The following ZNF184 variants were observed in gnomAD, a reference collection of about 807,000 sequenced individuals.
ZNF184 encodes the protein zinc finger protein 184 (Kruppel-like).
A neutral mutation model predicts 54.4 loss-of-function variants in ZNF184; 16 were observed. The observed-to-expected ratio is 0.29, with a 90% CI of 0.20 to 0.45. ZNF184 has a LOEUF of 0.45. Among genes scored for constraint, ZNF184 ranks in the 20% least tolerant of loss-of-function variants. The pLI is 1.00. For synonymous variants in ZNF184, 254 were observed against 295.3 expected, an observed-to-expected ratio of 0.86 and a Z score of 1.43; for missense variants, 681 against 888.2, an observed-to-expected ratio of 0.77 and a Z score of 2.97.
the ZNF184 span, among the ~76,000 whole-genome samples, chr6:27,417,359 G>A: frequency 5.3e-5 from 8 of 150,444 alleles, no homozygotes; most frequent in South Asian, 4.2e-4. Context: ...TTGCTTGCTC[G>A]TTCCCTTTCT....
chr6:27,442,878 GAAAAAGA>G, the ZNF184 span, among the ~76,000 whole-genome samples: 1 of 25,306 alleles, frequency 4.0e-5, no homozygotes, highest in Non-Finnish European at 1.1e-4. Flanking sequence ...AAGAAAGAAA[GAAAAAGA>G]AAAAAAGAAA....
the ZNF184 span, among the ~76,000 whole-genome samples, chr6:27,437,661 A>G: frequency 2.0e-5 from 3 of 152,214 alleles, no homozygotes; most frequent in African/African-American, 7.2e-5. Context: ...GCAGCAATAG[A>G]AAGCTATTAC....
chr6:27,471,663 C>T (rs925070026), intron 2 of ZNF184, among the ~76,000 whole-genome samples: 1 of 152,108 alleles, frequency 6.6e-6, no homozygotes, highest in Non-Finnish European at 1.5e-5. Context: ...AGAAGTGAGG[C>T]TATATTGCTT....
At position 27,472,372 on chromosome 6, in the gene ZNF184, T is replaced by TC; in HGVS notation, c.-79dup. On this transcript the variant is annotated 5_prime_UTR_variant, in exon 2 of 6. Coordinates refer to ENST00000683788, the MANE Select transcript of ZNF184 (RefSeq NM_001318891.2). The surrounding 1 kb of genome is among the most constrained non-coding windows in gnomAD (Gnocchi z 4.8). Reference sequence around the variant, plus strand: ...AGCGTTCCTTCAGCTGGTATCTCGGTCTAGGACTCAGATGTCTAACTCCCC... The same window carrying TC: ...AGCGTTCCTTCAGCTGGTATCTCGGTCCTAGGACTCAGATGTCTAACTCCCC... 6.2e-7 allele frequency: 1 copy of TC among 1,600,062 alleles called. No homozygotes were observed. Among genetic ancestry groups the TC allele is most frequent in the African/African-American group, 1.3e-5 (1 of 74,652 alleles).
the ZNF184 span, among the ~76,000 whole-genome samples, chr6:27,430,486 C>T: frequency 6.6e-6 from 1 of 152,034 alleles, no homozygotes; most frequent in African/African-American, 2.4e-5. Flanking sequence ...TAAAAGCAAG[C>T]ACATGTATTC....
chr6:27,452,072 T>G lies in ZNF184; in HGVS notation c.1487A>C (p.His496Pro). 6.2e-7 allele frequency: 1 copy of G among 1,614,052 alleles called. No individual in the cohort carries two copies. The highest frequency in any genetic ancestry group is 8.5e-7 in the Non-Finnish European group (1 of 1,180,008). The change falls in exon 6 of 6, where the codon CAC becomes CCC. Residue 496 changes from histidine to proline, a missense_variant. By Grantham distance (77) the His-to-Pro change is moderately conservative. Coordinates refer to ENST00000683788, the MANE Select transcript of ZNF184 (RefSeq NM_001318891.2). This position sits in a 1 kb window ranked among gnomAD's most constrained non-coding sequence, Gnocchi z 5.5. ...GCATTCAAAGGGCTTTTCTCTCGTG[T>G]GAATTCTCCGATGTTGAGTAAGGGA... ...CSSLTQHRRI[H>P]TREKPFECSE... is the part of the protein sequence containing the mutation.
At chr6:27,458,861 A>G (rs1762929410) in intron 3 of ZNF184, among the ~76,000 whole-genome samples, 1 of 152,222 alleles carries the variant, frequency 6.6e-6, no homozygotes, top group Admixed American at 6.5e-5. Flanking sequence ...GATAAAGAAA[A>G]TGTGGTATAT....
chr6:27,460,442 T>A (rs1370149435), intron 3 of ZNF184, among the ~76,000 whole-genome samples: 1 of 152,164 alleles, frequency 6.6e-6, no homozygotes, highest in Non-Finnish European at 1.5e-5. Context: ...CTGAAACAAG[T>A]GTTTTCATAT....
chr6:27,452,270 T>G lies in ZNF184; in HGVS notation c.1289A>C (p.His430Pro). 1 of 1,614,016 alleles carries G rather than the reference T, an allele frequency of 6.2e-7. No homozygotes were observed. The highest frequency in any genetic ancestry group is 8.5e-7 in the Non-Finnish European group (1 of 1,180,002). Residue 430 changes from histidine to proline, a missense_variant, in exon 6 of 6, where the codon CAC (histidine) becomes CCC (proline). Transcript: ENST00000683788. This position sits in a 1 kb window ranked among gnomAD's most constrained non-coding sequence, Gnocchi z 5.5. ...TTTTTGATGCTGAGTGAGGTTTGAGTGCTGGCTGAAGGCTTTCCCACATTC... is the reference window on the plus strand; with the variant it reads ...TTTTTGATGCTGAGTGAGGTTTGAGGGCTGGCTGAAGGCTTTCCCACATTC... ...CNECGKAFSQHSNLTQHQKTH... is the reference protein window; with the variant it reads ...CNECGKAFSQPSNLTQHQKTH...
chr6:27,439,599 C>T, the ZNF184 span, among the ~76,000 whole-genome samples: 3 of 152,188 alleles, frequency 2.0e-5, no homozygotes. Flanking sequence ...CATCTCATCA[C>T]ATAGGTATCT....
chr6:27,467,930 G>C lies in ZNF184; in HGVS notation c.8-10C>G, dbSNP rs755341711. The C allele has an allele frequency of 3.8e-6, 6 of 1,580,518 alleles. No individual in the cohort carries two copies. The highest frequency in any genetic ancestry group is 5.2e-6 in the Non-Finnish European group (6 of 1,163,052). On this transcript the variant is annotated splice_polypyrimidine_tract_variant and intron_variant, in intron 2 of 5. Coordinates refer to ENST00000683788, the MANE Select transcript of ZNF184 (RefSeq NM_001318891.2). ...TCTGGAGAGGACAGATCTAGGGGGA[G>C]AAGCAGGAGCCATATGACTTCTGTT... is the stretch of plus-strand genomic sequence containing the variant.
At chr6:27,470,629 T>C (rs1250139310) in intron 2 of ZNF184, among the ~76,000 whole-genome samples, 6 of 152,178 alleles carry the variant, frequency 3.9e-5, no homozygotes, top group African/African-American at 1.4e-4. Flanking sequence ...CCTAAGACTT[T>C]AGGAAAACAG....
chr6:27,463,917 TAA>T (rs756944153), intron 3 of ZNF184, among the ~76,000 whole-genome samples: 85 of 80,680 alleles, frequency 1.1e-3, no homozygotes, highest in Middle Eastern at 8.2e-3. Context: ...TCGACCAGAT[TAA>T]AAAAAAAAAA....
rs543583498 is a variant in ZNF184, at chr6:27,453,923, A to C, written c.299-663T>G. On this transcript the variant is annotated intron_variant, in intron 5 of 5. Coordinates refer to ENST00000683788, the MANE Select transcript of ZNF184 (RefSeq NM_001318891.2). This position sits in a 1 kb window ranked among gnomAD's most constrained non-coding sequence, Gnocchi z 4.7. ...ATGTAGGATGGAAAGTATCAGCTCA[A>C]AAAAAGAAGGACAAGAATAGCTAAA... Among the ~76,000 whole-genome samples the C allele has an allele frequency of 4.6e-5, 7 of 152,214 alleles. No individual in the cohort carries two copies. The highest frequency in any genetic ancestry group is 9.7e-5 in the African/African-American group (4 of 41,440).
chr6:27,407,827 T>G, the ZNF184 span: 557 of 781,546 alleles, frequency 7.1e-4, 2 homozygotes, highest in African/African-American at 8.0e-3. Flanking sequence ...CTTGATGGTT[T>G]AGAAATCTCC....
chr6:27,453,518 T>C lies in ZNF184; in HGVS notation c.299-258A>G, dbSNP rs1198654805. ...CAGTAAGGAAATACATTTAAGGTAA[T>C]AGTTGACTAAAAAGGTGACAACAGA... On this transcript the variant is annotated intron_variant, in intron 5 of 5. Transcript: ENST00000683788. The surrounding 1 kb of genome is among the most constrained non-coding windows in gnomAD (Gnocchi z 4.7). Among the ~76,000 whole-genome samples, 1 of 152,182 alleles carries C rather than the reference T, an allele frequency of 6.6e-6. No homozygotes were observed. Among genetic ancestry groups the C allele is most frequent in the Admixed American group, 6.5e-5 (1 of 15,274 alleles).
intron 3 of ZNF184, among the ~76,000 whole-genome samples, chr6:27,467,466 G>T (rs1029185453): frequency 6.6e-6 from 1 of 152,078 alleles, no homozygotes; most frequent in Non-Finnish European, 1.5e-5. Flanking sequence ...GTGGTAGTGT[G>T]GGCCTGTAGT....
chr6:27,423,167 G>A, the ZNF184 span, among the ~76,000 whole-genome samples: 23 of 152,202 alleles, frequency 1.5e-4, no homozygotes, highest in Admixed American at 1.4e-3. Flanking sequence ...TATCGTCACA[G>A]TACCTTAGAC....
At chr6:27,418,484 A>T in the ZNF184 span, among the ~76,000 whole-genome samples, 1 of 152,096 alleles carries the variant, frequency 6.6e-6, no homozygotes, top group African/African-American at 2.4e-5. Context: ...TTTGTATTCG[A>T]CTTACAGTAT....
Sources: gnomAD v4.1 joint callset for allele counts (sites outside exome capture counted in the v4.1 genomes callset) on GRCh38, gnomAD v4.1.1 for gene constraint, Gnocchi (gnomAD v3.1) non-coding constraint, MANE v1.5 for transcripts, NCBI Gene and HGNC (gene_info 2026-07-23, HGNC 2026-07-21) for gene names.